Variants in FGF14 observed in about 807,000 individuals in gnomAD.
The protein encoded by FGF14 is fibroblast growth factor homologous factor 4.
In FGF14, 5 loss-of-function variants were observed where a neutral mutation model predicts 25.5. That is an observed-to-expected ratio of 0.20 (90% CI 0.10 to 0.41). The LOEUF is 0.41. Among genes scored for constraint, FGF14 ranks in the 10% least tolerant of loss-of-function variants. The pLI is 1.00. For missense variants in FGF14, 222 were observed against 320.1 expected (o/e 0.69, Z 2.34); for synonymous variants, 138 against 118.3 (o/e 1.17, Z -1.08).
intron 1 of FGF14, among the ~76,000 whole-genome samples, chr13:102,304,516 C>T (rs1478072235): frequency 6.6e-6 from 1 of 152,128 alleles, no homozygotes; most frequent in East Asian, 1.9e-4. Flanking sequence ...AAAAAGGAAT[C>T]GGTGGTCCTA....
At chr13:102,266,584 T>A (rs548754006) in intron 1 of FGF14, among the ~76,000 whole-genome samples, 1 of 152,122 alleles carries the variant, frequency 6.6e-6, no homozygotes, top group East Asian at 1.9e-4. Flanking sequence ...AGAAGCAAAT[T>A]TATATCAAAT....
chr13:101,832,784 A>G (rs1050500213), intron 3 of FGF14, among the ~76,000 whole-genome samples: 1 of 152,088 alleles, frequency 6.6e-6, no homozygotes, highest in Non-Finnish European at 1.5e-5. Flanking sequence ...ATAGAAAGAC[A>G]TAAGAATTCT....
In FGF14 at chr13:101,722,625, T is replaced by C; in HGVS notation, c.*206A>G. 3 of 634,324 alleles carry C rather than the reference T, an allele frequency of 4.7e-6. No individual in the cohort carries two copies. The highest frequency in any genetic ancestry group is 8.3e-6 in the Non-Finnish European group (3 of 361,132). The allele number at this position is 634,324 out of a possible 1,614,324, so 39.3% of individuals were successfully genotyped here. ...GGTAGGGCATTCCATGGTCTGAGTT[T>C]AGCTGGTTATCCAGGTGTCTTCTTG... On this transcript the variant is annotated 3_prime_UTR_variant, in exon 5 of 5. Transcript: ENST00000376143.
At chr13:102,263,481 C>A (rs1364066358) in intron 1 of FGF14, among the ~76,000 whole-genome samples, 1 of 152,030 alleles carries the variant, frequency 6.6e-6, no homozygotes, top group East Asian at 1.9e-4. Flanking sequence ...AGAGACAGTA[C>A]CTAATATGTA....
chr13:101,796,686 G>C (rs1479998444), intron 3 of FGF14, among the ~76,000 whole-genome samples: 1 of 152,038 alleles, frequency 6.6e-6, no homozygotes, highest in Non-Finnish European at 1.5e-5. Flanking sequence ...AAAGACACAA[G>C]AGATGACAGC....
intron 1 of FGF14, among the ~76,000 whole-genome samples, chr13:102,129,698 T>C (rs749514596): frequency 6.7e-6 from 1 of 149,936 alleles, no homozygotes; most frequent in South Asian, 2.1e-4. Flanking sequence ...GGGATGGGGG[T>C]AGGGGGGAGG....
intron 3 of FGF14, among the ~76,000 whole-genome samples, chr13:101,855,497 A>T (rs1248861478): frequency 1.3e-5 from 2 of 151,888 alleles, no homozygotes; most frequent in Admixed American, 1.3e-4. Flanking sequence ...GTTTCAGCAG[A>T]CCCCTGGGCC....
At chr13:101,788,770 C>T (rs1456742160) in intron 3 of FGF14, among the ~76,000 whole-genome samples, 1 of 150,538 alleles carries the variant, frequency 6.6e-6, no homozygotes, top group Non-Finnish European at 1.5e-5. Flanking sequence ...ATCAACAGCC[C>T]TACTTGTTAG....
intron 1 of FGF14, among the ~76,000 whole-genome samples, chr13:102,359,927 C>A (rs567365686): frequency 6.8e-6 from 1 of 148,138 alleles, no homozygotes; most frequent in Non-Finnish European, 1.5e-5. Context: ...CTAAAAATAA[C>A]AGAAGGAAAT....
In FGF14 at chr13:102,017,655, T is replaced by A. The variant is rs189428857; in HGVS notation, c.209-142359A>T. Among the ~76,000 whole-genome samples the A allele has an allele frequency of 7.2e-5, 11 of 152,308 alleles. No homozygotes were observed. The East Asian group carries it at 1.5e-3, about 21-fold the overall frequency. On this transcript the variant is annotated intron_variant, in intron 1 of 4. Coordinates refer to the FGF14 transcript ENST00000376131. ...CACTGACAATCTCAAGACTTGAAAC[T>A]TTCTTTAGTTCTGCAAAGTTTTCAT...
chr13:102,097,585 C>G (rs1404649869), intron 1 of FGF14, among the ~76,000 whole-genome samples: 1 of 152,146 alleles, frequency 6.6e-6, no homozygotes, highest in Non-Finnish European at 1.5e-5. Context: ...AAATCTTAGA[C>G]TGACGCAGTA....
Position 101,715,537 on chromosome 13 carries a change from T to TAATCAG in FGF14, c.*7293_*7294insCTGATT. 6.7e-7 allele frequency: 1 copy of TAATCAG among 1,498,110 alleles called. No homozygotes were observed. Among genetic ancestry groups the TAATCAG allele is most frequent in the East Asian group, 2.3e-5 (1 of 44,324 alleles). The allele number at this position is 1,498,110 out of a possible 1,614,324, so 92.8% of individuals were successfully genotyped here. A position where few individuals can be genotyped will look rare whatever the true frequency, so the allele number is the denominator to read the frequency against. The stretch of plus-strand genomic sequence containing the variant: ...ATTTGGCACATTTTGATCATAATCA[T>TAATCAG]GATACCTATATGTATTTTATTGCAG... On this transcript the variant is annotated 3_prime_UTR_variant, in exon 5 of 5. Coordinates refer to ENST00000376143, the MANE Select transcript of FGF14 (RefSeq NM_004115.4).
intron 3 of FGF14, among the ~76,000 whole-genome samples, chr13:101,822,862 A>C (rs1263518862): frequency 6.6e-6 from 1 of 152,210 alleles, no homozygotes; most frequent in Non-Finnish European, 1.5e-5. Context: ...TCTATTAACT[A>C]ATCTCTCTTC....
In FGF14 at chr13:101,951,872, C is replaced by G. The variant is rs189257068; in HGVS notation, c.209-76576G>C. 3.9e-3 allele frequency among the ~76,000 whole-genome samples: 588 copies of G among 152,264 alleles called. 2 individuals carry two copies. The highest frequency in any genetic ancestry group is 0.013 in the African/African-American group (555 of 41,552). On this transcript the variant is annotated intron_variant, in intron 1 of 4. Transcript: ENST00000376131. ...TTTTCAATCCTTAAATTTGTTAATACTGGAAGGAGAATACTACATCATATT... is the reference window on the plus strand; with the variant it reads ...TTTTCAATCCTTAAATTTGTTAATAGTGGAAGGAGAATACTACATCATATT...
chr13:102,088,177 G>GA (rs1788076480), intron 1 of FGF14, among the ~76,000 whole-genome samples: 2 of 152,130 alleles, frequency 1.3e-5, no homozygotes, highest in South Asian at 4.1e-4. Flanking sequence ...GTTTCTCTAT[G>GA]ATACACAATT....
In FGF14 at chr13:101,875,216, C is replaced by T. The variant is rs771857870; in HGVS notation, c.274G>A (p.Asp92Asn). Residue 92 changes from aspartate to asparagine, a missense_variant, in exon 2 of 5, where the codon GAT becomes AAT. Transcript: ENST00000376143. ...YLQMHPDGAL[D>N]GTKDDSTNST... ...TTAGTGCTGTCATCCTTGGTTCCAT[C>T]GAGAGCTCCATCGGGGTGCATTTGC... 3.7e-6 allele frequency: 6 copies of T among 1,613,304 alleles called. No individual in the cohort carries two copies. Among genetic ancestry groups the T allele is most frequent in the Admixed American group, 1.7e-5 (1 of 59,982 alleles).
At chr13:102,029,566 A>T (rs968940144) in intron 1 of FGF14, among the ~76,000 whole-genome samples, 1 of 152,136 alleles carries the variant, frequency 6.6e-6, no homozygotes, top group Non-Finnish European at 1.5e-5. Flanking sequence ...AAACTATAAG[A>T]TCTCTACTGC....
At chr13:102,097,993 A>G (rs538202220) in intron 1 of FGF14, among the ~76,000 whole-genome samples, 1 of 152,324 alleles carries the variant, frequency 6.6e-6, no homozygotes, top group South Asian at 2.1e-4. Flanking sequence ...GCTCACTGGA[A>G]TGCACTAGGG....
intron 3 of FGF14, among the ~76,000 whole-genome samples, chr13:101,758,853 T>C (rs897565139): frequency 1.3e-5 from 2 of 152,194 alleles, no homozygotes; most frequent in African/African-American, 4.8e-5. Context: ...GTATCTGCTC[T>C]AATAAGCACC....
Sources: allele counts gnomAD v4.1 joint callset (sites outside exome capture counted in the v4.1 genomes callset), GRCh38; gene constraint gnomAD v4.1.1; transcripts MANE v1.5; gene names NCBI Gene and HGNC (gene_info 2026-07-23, HGNC 2026-07-21).